Variants in ABLIM1 observed in about 807,000 individuals in gnomAD.
The protein encoded by ABLIM1 is actin binding LIM protein 1.
A neutral mutation model predicts 107.0 loss-of-function variants in ABLIM1; 40 were observed. That is an observed-to-expected ratio of 0.37 (90% CI 0.29 to 0.49). ABLIM1 has a LOEUF of 0.49. ABLIM1 is among the 20% of genes least tolerant of loss of function. ABLIM1 has a pLI of 0.97. For missense variants in ABLIM1, 857 were observed against 1,008.5 expected (o/e 0.85, Z 2.04); for synonymous variants, 357 against 357.3 (o/e 1.00, Z 0.01).
intron 1 of ABLIM1, among the ~76,000 whole-genome samples, chr10:114,634,233 C>T (rs1407536643): frequency 1.4e-5 from 2 of 143,210 alleles, no homozygotes; most frequent in African/African-American, 5.2e-5. Flanking sequence ...CCCGGGTTCA[C>T]GCCATTCTCC....
At chr10:114,461,589 C>T (rs897159688) in intron 12 of ABLIM1, among the ~76,000 whole-genome samples, 6 of 152,022 alleles carry the variant, frequency 3.9e-5, no homozygotes, top group Non-Finnish European at 8.8e-5. Context: ...GAGGTCAAGG[C>T]GGGTGGATCA....
intron 6 of ABLIM1, among the ~76,000 whole-genome samples, chr10:114,530,680 T>C (rs1322744609): frequency 1.3e-5 from 2 of 152,128 alleles, no homozygotes; most frequent in African/African-American, 4.8e-5. Context: ...ATTACAGGCA[T>C]CCGCCACCAT....
At chr10:114,728,695 T>C (rs886299511) in intron 1 of ABLIM1, among the ~76,000 whole-genome samples, 2 of 151,902 alleles carry the variant, frequency 1.3e-5, no homozygotes, top group Non-Finnish European at 2.9e-5. Context: ...TCTACATATA[T>C]ATGTGAGAAT....
chr10:114,527,082 C>A, intron 6 of ABLIM1: 2 of 617,200 alleles, frequency 3.2e-6, no homozygotes, highest in Non-Finnish European at 4.0e-6. Flanking sequence ...CATGTGAAAC[C>A]GACAGTGATT....
intron 7 of ABLIM1, among the ~76,000 whole-genome samples, chr10:114,491,390 G>T (rs2058979990): frequency 6.6e-6 from 1 of 151,928 alleles, no homozygotes; most frequent in African/African-American, 2.4e-5. Flanking sequence ...AGTAAAAGGA[G>T]AAAAAAAGTA....
At chr10:114,571,057 A>ACAGGTAT (rs2071601003) in intron 4 of ABLIM1, among the ~76,000 whole-genome samples, 1 of 152,168 alleles carries the variant, frequency 6.6e-6, no homozygotes, top group Non-Finnish European at 1.5e-5. Context: ...AGCTATCTTA[A>ACAGGTAT]CAGGTATAAG....
At chr10:114,594,697 C>T (rs2075245784) in intron 2 of ABLIM1, among the ~76,000 whole-genome samples, 1 of 152,168 alleles carries the variant, frequency 6.6e-6, no homozygotes, top group African/African-American at 2.4e-5. Flanking sequence ...TTGCAGTGAG[C>T]CAAGACTGTG....
chr10:114,494,297 C>T (rs1271927492), intron 6 of ABLIM1, among the ~76,000 whole-genome samples: 3 of 152,202 alleles, frequency 2.0e-5, no homozygotes, highest in Non-Finnish European at 4.4e-5. Context: ...CTTTGGGAGA[C>T]GTAGGCAGGA....
chr10:114,679,153 A>G (rs916152515), intron 1 of ABLIM1, among the ~76,000 whole-genome samples: 1 of 151,808 alleles, frequency 6.6e-6, no homozygotes, highest in African/African-American at 2.4e-5. Flanking sequence ...CATGATGAAA[A>G]AGAAAGAAAG....
the ABLIM1 span, among the ~76,000 whole-genome samples, chr10:114,783,259 G>A: frequency 6.6e-6 from 1 of 151,782 alleles, no homozygotes; most frequent in East Asian, 1.9e-4. Context: ...GGGCAACAGA[G>A]TGAGACTCCG....
rs138882083 is a variant in ABLIM1 at position 114,546,237 on chromosome 10, C to T, written c.801-1139G>A. Reference sequence around the variant, plus strand: ...TTGCAATGTTCCGTTAGAAGCCAGGCACCTGTCTTATTTTGTCCATAATGG... The same window carrying T: ...TTGCAATGTTCCGTTAGAAGCCAGGTACCTGTCTTATTTTGTCCATAATGG... On this transcript the variant is annotated intron_variant, in intron 5 of 22. Transcript: ENST00000533213. 2.1e-3 allele frequency among the ~76,000 whole-genome samples: 320 copies of T among 152,100 alleles called. 2 individuals are homozygous for T. The highest frequency in any genetic ancestry group is 7.4e-3 in the African/African-American group (308 of 41,540).
intron 6 of ABLIM1, among the ~76,000 whole-genome samples, chr10:114,523,390 A>T (rs905371491): frequency 6.6e-6 from 1 of 152,116 alleles, no homozygotes; most frequent in African/African-American, 2.4e-5. Context: ...CACAGGACAC[A>T]TAGATCAACA....
chr10:114,645,006 G>A (rs190041693), intron 1 of ABLIM1, among the ~76,000 whole-genome samples: 25 of 152,066 alleles, frequency 1.6e-4, no homozygotes, highest in African/African-American at 5.8e-4. Context: ...TATTTTGATT[G>A]GGTTATTGAA....
intron 6 of ABLIM1, among the ~76,000 whole-genome samples, chr10:114,495,542 TGAC>T (rs1313742103): frequency 6.6e-6 from 1 of 152,040 alleles, no homozygotes; most frequent in Non-Finnish European, 1.5e-5. Context: ...GTGACAGTGA[TGAC>T]AACAATGAAG....
chr10:114,706,856 T>TA (rs1206032939), intron 1 of ABLIM1, among the ~76,000 whole-genome samples: 421 of 146,730 alleles, frequency 2.9e-3, no homozygotes, highest in Admixed American at 4.9e-3. Context: ...TCTTCTACTT[T>TA]AAAAAAAAAA....
chr10:114,801,060 T>C, the ABLIM1 span, among the ~76,000 whole-genome samples: 1 of 152,220 alleles, frequency 6.6e-6, no homozygotes, highest in Non-Finnish European at 1.5e-5. Context: ...TTTTGTATGG[T>C]ATATATACAT....
intron 1 of ABLIM1, among the ~76,000 whole-genome samples, chr10:114,697,524 A>T (rs573980113): frequency 2.2e-4 from 33 of 152,366 alleles, no homozygotes; most frequent in African/African-American, 7.2e-4. Context: ...AGTAGGAGGG[A>T]GGAAAACCTG....
At chr10:114,572,037 T>C (rs377503908) in intron 3 of ABLIM1, among the ~76,000 whole-genome samples, 1 of 152,242 alleles carries the variant, frequency 6.6e-6, no homozygotes, top group Non-Finnish European at 1.5e-5. Context: ...CTCTTCATAG[T>C]AGATATTCAT....
rs775351644 is a variant in ABLIM1, at chr10:114,465,725, G to A, written c.1414C>T (p.Arg472Cys). 192 of 1,613,996 alleles carry A rather than the reference G, an allele frequency of 1.2e-4. No individual in the cohort carries two copies. Among genetic ancestry groups the A allele is most frequent in the Non-Finnish European group, 1.6e-4 (188 of 1,180,022 alleles). The change falls in exon 12 of 23, where the codon CGC becomes TGC. Residue 472 changes from arginine to cysteine, a missense_variant. Physicochemically the swap from Arg to Cys is radical, Grantham distance 180. Around this residue, in one of 5 missense-constraint regions of ABLIM1, gnomAD observed 381 missense variants for 506.9 expected, o/e 0.75. Transcript: ENST00000533213. Reference sequence around the variant, plus strand: ...GGTCTGTGGAAATGCTGGGGAGAGCGGGACGTGGTTGGAGTGTAGCTGTGG... The same window carrying A: ...GGTCTGTGGAAATGCTGGGGAGAGCAGGACGTGGTTGGAGTGTAGCTGTGG... The part of the protein sequence containing the change: ...SRHSYTPTTS[R>C]SPQHFHRPGN...
Sources: gnomAD v4.1 joint callset for allele counts (sites outside exome capture counted in the v4.1 genomes callset) on GRCh38, gnomAD v4.1.1 for gene constraint, gnomAD v4.1.1 regional missense constraint, MANE v1.5 for transcripts, NCBI Gene and HGNC (gene_info 2026-07-23, HGNC 2026-07-21) for gene names.